The following GABRB1 variants were observed in gnomAD, a reference collection of about 807,000 sequenced individuals.
The protein encoded by GABRB1 is gamma-aminobutyric acid type A receptor subunit beta1, also known as gamma-aminobutyric acid receptor subunit beta-1.
GABRB1 carries 17 observed loss-of-function variants against 51.6 expected under a neutral mutation model. The ratio of observed to expected loss-of-function variants is 0.33; its 90% CI spans 0.23 to 0.49. GABRB1 has a LOEUF of 0.49. Among genes scored for constraint, GABRB1 ranks in the 20% least tolerant of loss-of-function variants. The probability of loss-of-function intolerance (pLI) is 0.99; values close to 1 mark genes in which losing one functional copy is unlikely to be tolerated. For synonymous variants in GABRB1, 247 were observed against 218.9 expected (o/e 1.13, Z -1.14); for missense variants, 410 against 600.6 (o/e 0.68, Z 3.32).
chr4:47,175,807 TA>T (rs1291925606), intron 4 of GABRB1, among the ~76,000 whole-genome samples: 1 of 152,176 alleles, frequency 6.6e-6, no homozygotes, highest in Non-Finnish European at 1.5e-5. Flanking sequence ...GCTATATGCT[TA>T]GTCTGTCAGT....
At chr4:47,103,165 C>T (rs1714793950) in intron 3 of GABRB1, among the ~76,000 whole-genome samples, 1 of 151,910 alleles carries the variant, frequency 6.6e-6, no homozygotes, top group African/African-American at 2.4e-5. Context: ...ACATTCAAGA[C>T]ATTGAGTTTA....
At position 47,243,481 on chromosome 4, in the gene GABRB1, A is replaced by G. The variant is rs544775331; in HGVS notation, c.462-76646A>G. Among the ~76,000 whole-genome samples, 12 of 152,294 alleles carry G rather than the reference A, an allele frequency of 7.9e-5. No homozygotes were observed. In the East Asian group the frequency reaches 2.3e-3, roughly 29 times the overall value. ...GAATCTATAAATTACCTTGGGCAGT[A>G]TGGCCATTTTCACAATATTGATTCT... On this transcript the variant is annotated intron_variant, in intron 4 of 8. Transcript: ENST00000295454.
intron 8 of GABRB1, among the ~76,000 whole-genome samples, chr4:47,411,576 T>C (rs1317799030): frequency 1.3e-5 from 2 of 152,218 alleles, no homozygotes; most frequent in Admixed American, 6.5e-5. Context: ...GGAATAGTTC[T>C]GTAACTTAAT....
chr4:47,021,125 A>G (rs1028981602), intron 1 of GABRB1, among the ~76,000 whole-genome samples: 2 of 152,160 alleles, frequency 1.3e-5, no homozygotes, highest in African/African-American at 2.4e-5. Flanking sequence ...ACAGATTCCT[A>G]TCTGCCATGA....
intron 4 of GABRB1, among the ~76,000 whole-genome samples, chr4:47,279,128 ATG>A (rs1723188901): frequency 6.6e-6 from 1 of 151,796 alleles, no homozygotes; most frequent in Non-Finnish European, 1.5e-5. Flanking sequence ...GGATGGATGG[ATG>A]GATAGATGGA....
chr4:47,379,468 G>C (rs1349744225), intron 5 of GABRB1, among the ~76,000 whole-genome samples: 1 of 152,086 alleles, frequency 6.6e-6, no homozygotes, highest in Non-Finnish European at 1.5e-5. Flanking sequence ...ACTAATGTAA[G>C]GTTTTTGAAC....
intron 3 of GABRB1, among the ~76,000 whole-genome samples, chr4:47,083,697 A>G (rs371089183): frequency 2.0e-5 from 3 of 152,218 alleles, no homozygotes; most frequent in East Asian, 3.9e-4. Flanking sequence ...AATGCCTACT[A>G]ATACCTAGCT....
chr4:47,062,776 C>T (rs1726896400), intron 3 of GABRB1, among the ~76,000 whole-genome samples: 1 of 152,138 alleles, frequency 6.6e-6, no homozygotes, highest in South Asian at 2.1e-4. Flanking sequence ...CTTTTACCTG[C>T]TGGTTACCTT....
intron 1 of GABRB1, among the ~76,000 whole-genome samples, chr4:47,013,860 T>C (rs1577825123): frequency 6.6e-6 from 1 of 152,184 alleles, no homozygotes; most frequent in East Asian, 1.9e-4. Flanking sequence ...TTATGTGGAG[T>C]TGCACCAAAA....
chr4:47,148,568 C>T (rs565402589), intron 3 of GABRB1, among the ~76,000 whole-genome samples: 10 of 151,976 alleles, frequency 6.6e-5, no homozygotes, highest in South Asian at 2.1e-4. Flanking sequence ...TACTGAGAAG[C>T]GGTAAAATAC....
At chr4:47,030,156 G>C (rs560602060), upstream of GABRB1, among the ~76,000 whole-genome samples, 1 of 151,948 alleles carries the variant, frequency 6.6e-6, no homozygotes, top group African/African-American at 2.4e-5. Flanking sequence ...TACCCATATG[G>C]TACATTTTCC....
chr4:47,394,015 C>G (rs1298089244), intron 5 of GABRB1, among the ~76,000 whole-genome samples: 1 of 152,196 alleles, frequency 6.6e-6, no homozygotes, highest in African/African-American at 2.4e-5. Flanking sequence ...CATCAGGGAT[C>G]CTGATGGATA....
chr4:47,046,300 A>G lies in GABRB1; in HGVS notation c.240+13816A>G, dbSNP rs1282322471. On this transcript the variant is annotated intron_variant, in intron 3 of 8. Transcript: ENST00000295454. ...ATGTAAATATCAACAATAAAATTAT[A>G]GTAGATGAGATAAGAAGAGTTTTTA... Among the ~76,000 whole-genome samples the G allele has an allele frequency of 2.6e-5, 4 of 152,154 alleles. No homozygotes were observed. The East Asian group carries it at 7.7e-4, about 29-fold the overall frequency.
chr4:47,172,380 A>C (rs1170195030), intron 4 of GABRB1, among the ~76,000 whole-genome samples: 1 of 152,284 alleles, frequency 6.6e-6, no homozygotes, highest in South Asian at 2.1e-4. Context: ...AACAACAAGT[A>C]CCATATTTAC....
intron 3 of GABRB1, among the ~76,000 whole-genome samples, chr4:47,108,557 G>A (rs1475316462): frequency 6.6e-6 from 1 of 151,980 alleles, no homozygotes; most frequent in East Asian, 1.9e-4. Context: ...AGCACAAAGA[G>A]AAAGCTAAGG....
At chr4:47,149,926 A>G (rs945880690) in intron 3 of GABRB1, among the ~76,000 whole-genome samples, 1 of 151,990 alleles carries the variant, frequency 6.6e-6, no homozygotes, top group Non-Finnish European at 1.5e-5. Flanking sequence ...CAGATGCTCA[A>G]TGAGTTCGAG....
chr4:47,389,096 G>T (rs1405718699), intron 5 of GABRB1, among the ~76,000 whole-genome samples: 1 of 152,130 alleles, frequency 6.6e-6, no homozygotes. Flanking sequence ...TTGGGTGTTT[G>T]GTGGGCAGGC....
chr4:47,222,521 T>C (rs756607291), intron 4 of GABRB1, among the ~76,000 whole-genome samples: 9 of 152,072 alleles, frequency 5.9e-5, no homozygotes, highest in Non-Finnish European at 1.0e-4. Context: ...GCTGCCACCA[T>C]GTGAAGAAGC....
At chr4:47,133,709 G>T (rs180987596) in intron 3 of GABRB1, among the ~76,000 whole-genome samples, 1 of 152,198 alleles carries the variant, frequency 6.6e-6, no homozygotes, top group African/African-American at 2.4e-5. Flanking sequence ...CGTGTTTTTA[G>T]CAGGACTATC....
Sources: gnomAD v4.1 joint callset for allele counts (sites outside exome capture counted in the v4.1 genomes callset) on GRCh38, gnomAD v4.1.1 for gene constraint, MANE v1.5 for transcripts, NCBI Gene and HGNC (gene_info 2026-07-23, HGNC 2026-07-21) for gene names.